OR3A2: variants seen among roughly 807,000 people sequenced by gnomAD.
OR3A2 encodes olfactory receptor 3A2.
For synonymous variants in OR3A2, 126 were observed against 159.3 expected (o/e 0.79, Z 1.57); for missense variants, 318 against 392.8 (o/e 0.81, Z 1.61).
At chr17:3,336,606 T>G (rs2049276159) in intron 2 of OR3A2, among the ~76,000 whole-genome samples, 2 of 152,214 alleles carry the variant, frequency 1.3e-5, no homozygotes, top group African/African-American at 4.8e-5. Context: ...ATTGAAAATC[T>G]ACTTCATGCT....
At chr17:3,296,832 G>A (rs775295783) in intron 3 of OR3A2, among the ~76,000 whole-genome samples, 16 of 152,208 alleles carry the variant, frequency 1.1e-4, no homozygotes, top group Middle Eastern at 3.4e-3. Context: ...CCAACATTCC[G>A]CCATCCCCAC....
intron 3 of OR3A2, among the ~76,000 whole-genome samples, chr17:3,290,557 CCAGT>C (rs1173771912): frequency 8.5e-5 from 13 of 152,184 alleles, no homozygotes; most frequent in Non-Finnish European, 1.5e-4. Context: ...GTCACAGGTG[CCAGT>C]CAAAGGAAAG....
intron 2 of OR3A2, among the ~76,000 whole-genome samples, chr17:3,364,349 T>G (rs984139827): frequency 6.6e-6 from 1 of 152,248 alleles, no homozygotes; most frequent in Non-Finnish European, 1.5e-5. Flanking sequence ...TTCTTTGTGA[T>G]GAAAACATTT....
At chr17:3,312,418 G>C (rs1391713876) in intron 3 of OR3A2, among the ~76,000 whole-genome samples, 1 of 152,042 alleles carries the variant, frequency 6.6e-6, no homozygotes, top group Non-Finnish European at 1.5e-5. Context: ...ACTTGTCAGA[G>C]CACCCTGCAA....
chr17:3,312,687 CGA>C (rs2049053850), intron 3 of OR3A2, among the ~76,000 whole-genome samples: 1 of 152,184 alleles, frequency 6.6e-6, no homozygotes, highest in Non-Finnish European at 1.5e-5. Context: ...TGCAGCGGCA[CGA>C]TCTTGGCTCA....
At chr17:3,376,567 G>C (rs1187042983) in intron 2 of OR3A2, among the ~76,000 whole-genome samples, 1 of 152,122 alleles carries the variant, frequency 6.6e-6, no homozygotes, top group Non-Finnish European at 1.5e-5. Flanking sequence ...CAGGGAAGTG[G>C]GGAAAACCAG....
intron 2 of OR3A2, among the ~76,000 whole-genome samples, chr17:3,371,152 G>C (rs1210370696): frequency 6.6e-6 from 1 of 151,890 alleles, no homozygotes; most frequent in Non-Finnish European, 1.5e-5. Context: ...AGACGGGGTG[G>C]TGGCCAGGCA....
chr17:3,279,061 C>A lies in OR3A2; in HGVS notation c.-6-138G>T. The A allele has an allele frequency of 7.1e-7, 1 of 1,415,364 alleles. No individual in the cohort carries two copies. The highest frequency in any genetic ancestry group is 9.5e-7 in the Non-Finnish European group (1 of 1,049,794). The allele number at this position is 1,415,364 out of a possible 1,614,324, so 87.7% of individuals were successfully genotyped here. ...CCTCACTCGTTGACCTCCTCCATCA[C>A]CTCAATGCCTTTACCTTGCTCTTGG... On this transcript the variant is annotated intron_variant, in intron 1 of 1. Transcript: ENST00000642052.
intron 3 of OR3A2, among the ~76,000 whole-genome samples, chr17:3,331,020 T>G (rs2049227701): frequency 2.0e-5 from 3 of 152,230 alleles, no homozygotes; most frequent in Non-Finnish European, 4.4e-5. Context: ...TTCTTTTCTT[T>G]AAGAATGTTG....
At chr17:3,303,667 C>T (rs9892065) in intron 3 of OR3A2, among the ~76,000 whole-genome samples, 25,144 of 150,638 alleles carry the variant, frequency 0.17, 2,978 homozygotes, top group African/African-American at 0.33. Context: ...ATCGCTTGAA[C>T]ACGGAAGGCA....
intron 2 of OR3A2, among the ~76,000 whole-genome samples, chr17:3,352,910 G>C (rs937579325): frequency 9.9e-5 from 15 of 151,478 alleles, no homozygotes; most frequent in Admixed American, 4.6e-4. Flanking sequence ...CTGGTGTCCT[G>C]TTCAATTTCT....
At chr17:3,345,671 A>G (rs540607031) in intron 2 of OR3A2, among the ~76,000 whole-genome samples, 6 of 152,278 alleles carry the variant, frequency 3.9e-5, no homozygotes, top group African/African-American at 1.2e-4. Flanking sequence ...AGTAGAGAGA[A>G]AAGAAAAATT....
chr17:3,279,823 G>T (rs993136087), intron 1 of OR3A2, among the ~76,000 whole-genome samples: 8 of 151,770 alleles, frequency 5.3e-5, no homozygotes, highest in African/African-American at 1.9e-4. Flanking sequence ...AAAACACCTA[G>T]GTTTAAAGGC....
Position 3,382,220 on chromosome 17 carries a change from G to C in OR3A2, c.-179+1584C>G, listed in dbSNP as rs142678236. On this transcript the variant is annotated intron_variant, in intron 2 of 4. Coordinates refer to the OR3A2 transcript ENST00000573491. ...GCTCTGGATGTGTGGCTGAGCCACCGGCACTCTATCTAACAGGCAACGGGA... is the reference window on the plus strand; with the variant it reads ...GCTCTGGATGTGTGGCTGAGCCACCCGCACTCTATCTAACAGGCAACGGGA... 2.3e-3 allele frequency among the ~76,000 whole-genome samples: 345 copies of C among 152,248 alleles called. 2 individuals are homozygous for C. In the Middle Eastern group the frequency reaches 0.024, roughly 11 times the overall value.
At chr17:3,285,850 T>A (rs912173448), upstream of OR3A2, among the ~76,000 whole-genome samples, 1 of 152,222 alleles carries the variant, frequency 6.6e-6, no homozygotes, top group African/African-American at 2.4e-5. Flanking sequence ...GTTTGTCATG[T>A]ACATGGTAAC....
At position 3,372,642 on chromosome 17, in the gene OR3A2, C is replaced by T. The variant is rs893626361; in HGVS notation, c.-179+11162G>A. Among the ~76,000 whole-genome samples, 265 of 152,176 alleles carry T rather than the reference C, an allele frequency of 1.7e-3. 1 individual carries two copies. The highest frequency in any genetic ancestry group is 5.8e-3 in the African/African-American group (240 of 41,526). On this transcript the variant is annotated intron_variant, in intron 2 of 4. Transcript: ENST00000573491. ...CTGGAGACCAGCCCGGCCATCACAG[C>T]GAAACCCCGTCTCCACCAAAAAAAT... is the stretch of plus-strand genomic sequence containing the variant.
At position 3,310,548 on chromosome 17, in the gene OR3A2, A is replaced by C. The variant is rs538028066; in HGVS notation, c.-85+25485T>G. ...GCCAGATGTGGGGTGTGTCAGTGTC[A>C]CTGTCCCTGCCATGCTGAGCCATTT... On this transcript the variant is annotated intron_variant, in intron 3 of 4. Coordinates refer to the OR3A2 transcript ENST00000573491. 694 of 536,144 alleles carry C rather than the reference A, an allele frequency of 1.3e-3. 1 individual carries two copies. The highest frequency in any genetic ancestry group is 0.011 in the African/African-American group (594 of 52,048). 33.2% of individuals were successfully genotyped at this position (536,144 alleles called of 1,614,324 possible).
chr17:3,323,564 A>C (rs1489358409), intron 3 of OR3A2, among the ~76,000 whole-genome samples: 1 of 152,026 alleles, frequency 6.6e-6, no homozygotes, highest in Non-Finnish European at 1.5e-5. Context: ...TGGTGACAAA[A>C]TCTCTCAGCA....
chr17:3,386,264 G>C (rs958732544), exon 1 of OR3A2: 8 of 398,646 alleles, frequency 2.0e-5, no homozygotes, highest in Middle Eastern at 6.2e-4. Flanking sequence ...ATCACCGAGA[G>C]CTACCTCCTG....
Sources: gnomAD v4.1 joint callset for allele counts (sites outside exome capture counted in the v4.1 genomes callset) on GRCh38, gnomAD v4.1.1 for gene constraint, MANE v1.5 for transcripts, NCBI Gene and HGNC (gene_info 2026-07-23, HGNC 2026-07-21) for gene names.